Variants in ADGRL2 observed in about 807,000 individuals in gnomAD.
ADGRL2 encodes the protein calcium-independent alpha-latrotoxin receptor 2.
Under a neutral mutation model 157.4 loss-of-function variants are expected in ADGRL2, and 44 were observed. That is an observed-to-expected ratio of 0.28 (90% CI 0.22 to 0.36). The LOEUF is 0.36. Among genes scored for constraint, ADGRL2 ranks in the 10% least tolerant of loss-of-function variants. The pLI is 1.00. For synonymous variants in ADGRL2, 585 were observed against 624.7 expected, an observed-to-expected ratio of 0.94 and a Z score of 0.95; for missense variants, 1,510 against 1,768.9, an observed-to-expected ratio of 0.85 and a Z score of 2.63.
chr1:81,818,162 G>C (rs2090608354), intron 1 of ADGRL2, among the ~76,000 whole-genome samples: 1 of 150,872 alleles, frequency 6.6e-6, no homozygotes, highest in African/African-American at 2.4e-5. Flanking sequence ...AGACCTCTCA[G>C]AAAAAAAAAT....
chr1:81,550,688 C>T (rs1251480474), intron 2 of ADGRL2, among the ~76,000 whole-genome samples: 1 of 152,064 alleles, frequency 6.6e-6, no homozygotes. Flanking sequence ...CCATGCTGTT[C>T]GAGATTTATC....
At chr1:81,315,988 CAT>C (rs1660078458) in intron 1 of ADGRL2, among the ~76,000 whole-genome samples, 1 of 151,936 alleles carries the variant, frequency 6.6e-6, no homozygotes, top group East Asian at 1.9e-4. Context: ...TAACAGAACT[CAT>C]ATTTATTTCC....
Position 81,966,619 on chromosome 1 carries a change from T to C in ADGRL2, c.2349+10T>C. The stretch of plus-strand genomic sequence containing the variant: ...CCTGCCACACATTGATGTAAGTTAA[T>C]GTATGCTAATGAAGTAATGGAAGGT... On this transcript the variant is annotated intron_variant, in intron 13 of 23. Coordinates refer to ENST00000686636, the MANE Select transcript of ADGRL2 (RefSeq NM_001366006.2). 1 of 1,609,436 alleles carries C rather than the reference T, an allele frequency of 6.2e-7. No homozygotes were observed. The highest frequency in any genetic ancestry group is 1.1e-5 in the South Asian group (1 of 90,996).
intron 2 of ADGRL2, among the ~76,000 whole-genome samples, chr1:81,890,468 A>C (rs960333467): frequency 5.3e-5 from 8 of 152,224 alleles, no homozygotes; most frequent in African/African-American, 1.7e-4. Flanking sequence ...TGTCAAGGTT[A>C]ACTCAACAGC....
intron 2 of ADGRL2, among the ~76,000 whole-genome samples, chr1:81,468,817 T>G (rs889577007): frequency 1.3e-5 from 2 of 152,204 alleles, no homozygotes; most frequent in Non-Finnish European, 2.9e-5. Flanking sequence ...TACAAAGTTC[T>G]GTAATCTGTG....
At chr1:81,674,233 T>C (rs1303080462) in intron 3 of ADGRL2, among the ~76,000 whole-genome samples, 1 of 152,216 alleles carries the variant, frequency 6.6e-6, no homozygotes, top group African/African-American at 2.4e-5. Flanking sequence ...TTCTAGGACT[T>C]AGTAGTTGAA....
chr1:81,921,920 A>G (rs2094989727), intron 3 of ADGRL2, among the ~76,000 whole-genome samples: 1 of 152,152 alleles, frequency 6.6e-6, no homozygotes, highest in Non-Finnish European at 1.5e-5. Flanking sequence ...ACACTCTAAC[A>G]GTATTTATTA....
chr1:81,651,710 A>G (rs2389166), intron 3 of ADGRL2, among the ~76,000 whole-genome samples: 16,977 of 152,070 alleles, frequency 0.11, 1,060 homozygotes, highest in Middle Eastern at 0.2. Flanking sequence ...GCTCCTGTCA[A>G]CCAGGAGATT....
chr1:81,578,699 A>G (rs1328612452), intron 2 of ADGRL2, among the ~76,000 whole-genome samples: 4 of 152,182 alleles, frequency 2.6e-5, no homozygotes, highest in Admixed American at 6.6e-5. Flanking sequence ...ATTTCAAACC[A>G]GTGAAAACAA....
chr1:81,539,335 C>G (rs1284933324), intron 2 of ADGRL2, among the ~76,000 whole-genome samples: 1 of 152,160 alleles, frequency 6.6e-6, no homozygotes, highest in Non-Finnish European at 1.5e-5. Context: ...ACCACCCCTC[C>G]CCACCAGGAC....
intron 1 of ADGRL2, among the ~76,000 whole-genome samples, chr1:81,435,904 C>T (rs2101644742): frequency 6.6e-6 from 1 of 152,144 alleles, no homozygotes; most frequent in East Asian, 1.9e-4. Flanking sequence ...TGAGACCAGC[C>T]TGACCAACAT....
chr1:81,596,454 T>A, intron 3 of ADGRL2: 1 of 453,438 alleles, frequency 2.2e-6, no homozygotes, highest in South Asian at 1.8e-5. Flanking sequence ...TCGAATTCAG[T>A]GAATTGTCAC....
chr1:81,635,769 G>A (rs961168776), intron 3 of ADGRL2, among the ~76,000 whole-genome samples: 1 of 152,058 alleles, frequency 6.6e-6, no homozygotes, highest in Non-Finnish European at 1.5e-5. Flanking sequence ...ATTTGTGGGG[G>A]GCACATTCAC....
chr1:81,374,889 T>C (rs1227719355), intron 1 of ADGRL2, among the ~76,000 whole-genome samples: 1 of 152,224 alleles, frequency 6.6e-6, no homozygotes, highest in African/African-American at 2.4e-5. Context: ...AAGACAGTAC[T>C]GAAGACACAG....
chr1:81,539,258 T>C (rs780270725), intron 2 of ADGRL2, among the ~76,000 whole-genome samples: 10 of 152,114 alleles, frequency 6.6e-5, no homozygotes, highest in African/African-American at 1.2e-4. Context: ...TCCTGTCCAC[T>C]AAATTCCCTC....
intron 2 of ADGRL2, among the ~76,000 whole-genome samples, chr1:81,504,103 G>A (rs903833577): frequency 2.6e-5 from 4 of 152,166 alleles, no homozygotes; most frequent in African/African-American, 9.7e-5. Flanking sequence ...GGCAGTTCAG[G>A]GCCAGGGCCC....
At chr1:81,946,140 A>T (rs1023188872) in intron 6 of ADGRL2, among the ~76,000 whole-genome samples, 3 of 152,178 alleles carry the variant, frequency 2.0e-5, no homozygotes, top group African/African-American at 7.2e-5. Flanking sequence ...AGTTCAGGTC[A>T]TCTGTGCTGG....
chr1:81,418,801 G>C (rs940628861), intron 1 of ADGRL2, among the ~76,000 whole-genome samples: 23 of 152,210 alleles, frequency 1.5e-4, no homozygotes, highest in Admixed American at 1.4e-3. Context: ...TTTCTAACTT[G>C]CTGAGGTTGA....
chr1:81,839,111 A>G (rs1316033121), intron 2 of ADGRL2, among the ~76,000 whole-genome samples: 2 of 152,130 alleles, frequency 1.3e-5, no homozygotes, highest in African/African-American at 4.8e-5. Context: ...AAGAAGGCAT[A>G]GGAAGGCAGA....
Sources: gnomAD v4.1 joint callset for allele counts (sites outside exome capture counted in the v4.1 genomes callset) on GRCh38, gnomAD v4.1.1 for gene constraint, MANE v1.5 for transcripts, NCBI Gene and HGNC (gene_info 2026-07-23, HGNC 2026-07-21) for gene names.